Variants in TASP1 observed in about 807,000 individuals in gnomAD.
The protein encoded by TASP1 is threonine aspartase 1.
A neutral mutation model predicts 56.6 loss-of-function variants in TASP1; 16 were observed. The observed-to-expected ratio is 0.28, with a 90% CI of 0.19 to 0.43. The LOEUF (loss-of-function observed/expected upper bound fraction) is 0.43. Among genes scored for constraint, TASP1 ranks in the 20% least tolerant of loss-of-function variants. The pLI is 1.00. For missense variants in TASP1, 393 were observed against 511.6 expected (o/e 0.77, Z 2.24); for synonymous variants, 179 against 184.2 (o/e 0.97, Z 0.23).
intron 5 of TASP1, among the ~76,000 whole-genome samples, chr20:13,581,968 C>T (rs375382812): frequency 5.9e-5 from 9 of 152,114 alleles, no homozygotes; most frequent in African/African-American, 7.2e-5. Context: ...CACTAATATA[C>T]GCCTGCCTTT....
the TASP1 span, among the ~76,000 whole-genome samples, chr20:13,375,515 G>C: frequency 2.6e-5 from 4 of 152,158 alleles, no homozygotes; most frequent in African/African-American, 9.6e-5. Flanking sequence ...CCAAGTCTTT[G>C]CTGTTGTGAA....
At chr20:13,418,438 G>C (rs1002567582) in intron 12 of TASP1, among the ~76,000 whole-genome samples, 1 of 152,292 alleles carries the variant, frequency 6.6e-6, no homozygotes, top group African/African-American at 2.4e-5. Flanking sequence ...TAAATAATGA[G>C]AGTAATGAGT....
At chr20:13,423,563 T>C (rs2042519250) in intron 12 of TASP1, among the ~76,000 whole-genome samples, 1 of 152,222 alleles carries the variant, frequency 6.6e-6, no homozygotes, top group African/African-American at 2.4e-5. Flanking sequence ...TGTATAGATA[T>C]GGTTCTGCCA....
At chr20:13,485,159 C>T (rs566693718) in intron 10 of TASP1, among the ~76,000 whole-genome samples, 8 of 152,126 alleles carry the variant, frequency 5.3e-5, no homozygotes, top group African/African-American at 1.9e-4. Context: ...AGAACAGGAG[C>T]CATTAGGACC....
the TASP1 span, among the ~76,000 whole-genome samples, chr20:13,225,407 T>G: frequency 6.6e-6 from 1 of 152,206 alleles, no homozygotes; most frequent in Non-Finnish European, 1.5e-5. Context: ...TTGACAGTCT[T>G]ACTGTGTTAA....
chr20:13,381,261 T>C, the TASP1 span, among the ~76,000 whole-genome samples: 2 of 152,168 alleles, frequency 1.3e-5, no homozygotes, highest in Admixed American at 6.5e-5. Flanking sequence ...GGGAAAAGCA[T>C]AGTATCTGAG....
intron 13 of TASP1, among the ~76,000 whole-genome samples, chr20:13,396,176 C>A (rs1256946722): frequency 2.0e-5 from 3 of 152,250 alleles, no homozygotes; most frequent in Admixed American, 2.0e-4. Flanking sequence ...CACTGCCACC[C>A]ACCCCTATCC....
the TASP1 span, among the ~76,000 whole-genome samples, chr20:13,105,191 GGCCGAGC>G: frequency 1.3e-5 from 2 of 152,128 alleles, no homozygotes; most frequent in African/African-American, 4.8e-5. Context: ...CCAGAATCCA[GGCCGAGC>G]GCAGTCTTCC....
At chr20:13,561,024 A>T (rs1049483745) in intron 7 of TASP1, among the ~76,000 whole-genome samples, 3 of 152,324 alleles carry the variant, frequency 2.0e-5, no homozygotes, top group Non-Finnish European at 4.4e-5. Context: ...CTCATCAGAA[A>T]CTTTGGAAGC....
chr20:13,620,475 A>G (rs1364966189), intron 4 of TASP1, among the ~76,000 whole-genome samples: 1 of 152,204 alleles, frequency 6.6e-6, no homozygotes, highest in Non-Finnish European at 1.5e-5. Flanking sequence ...ATTTCAATCC[A>G]CAATTAGTAT....
chr20:13,137,562 C>T, the TASP1 span, among the ~76,000 whole-genome samples: 1 of 151,966 alleles, frequency 6.6e-6, no homozygotes, highest in Non-Finnish European at 1.5e-5. Flanking sequence ...TGTTCTGTTC[C>T]TTCATTGTGA....
chr20:13,597,388 C>G (rs1027555254), intron 4 of TASP1, among the ~76,000 whole-genome samples: 2 of 152,186 alleles, frequency 1.3e-5, no homozygotes, highest in Admixed American at 1.3e-4. Context: ...ATACACAAAT[C>G]AATAAACATA....
the TASP1 span, chr20:13,164,534 A>T: frequency 1.7e-6 from 1 of 579,020 alleles, no homozygotes; most frequent in Admixed American, 2.9e-5. Context: ...CATTCATAGT[A>T]TGGAGTTAGA....
rs771255579 is a variant in TASP1, at chr20:13,465,178, C to CAAAA, written c.985+18045_985+18048dup. 1.9e-4 allele frequency among the ~76,000 whole-genome samples: 11 copies of CAAAA among 57,236 alleles called. No homozygotes were observed. In the East Asian group the frequency reaches 6.1e-3, roughly 32 times the overall value. 37.5% of individuals were successfully genotyped at this position (57,236 alleles called of 152,430 possible). A position where few individuals can be genotyped will look rare whatever the true frequency, so the allele number is the denominator to read the frequency against. On this transcript the variant is annotated intron_variant, in intron 11 of 13. Coordinates refer to ENST00000337743, the MANE Select transcript of TASP1 (RefSeq NM_017714.3). ...AGAGCAAGACCCCCTTTCTCTCTCC[C>CAAAA]AAAAAAAAAAAAAAAAAAAAAGGAA...
intron 4 of TASP1, 75 bp downstream of exon 4, chr20:13,623,371 C>G (rs758717487): frequency 1.5e-4 from 196 of 1,299,618 alleles, no homozygotes; most frequent in South Asian, 9.0e-4. Context: ...TTGACTAACT[C>G]AACAATTTCA....
chr20:13,449,503 A>T (rs772221586), intron 11 of TASP1, among the ~76,000 whole-genome samples: 3 of 152,132 alleles, frequency 2.0e-5, no homozygotes, highest in Non-Finnish European at 2.9e-5. Context: ...AAATCAGTTT[A>T]ATGTAGCTTT....
chr20:13,365,739 G>C, the TASP1 span, among the ~76,000 whole-genome samples: 1 of 152,220 alleles, frequency 6.6e-6, no homozygotes, highest in Non-Finnish European at 1.5e-5. Flanking sequence ...GGTATGGTAA[G>C]AAGTTTTGGG....
chr20:13,405,167 G>A (rs191614752), intron 13 of TASP1, among the ~76,000 whole-genome samples: 2 of 152,292 alleles, frequency 1.3e-5, no homozygotes, highest in Non-Finnish European at 2.9e-5. Flanking sequence ...AAAGAAAAGT[G>A]AGATTATGAG....
chr20:13,295,264 C>A, the TASP1 span, among the ~76,000 whole-genome samples: 1 of 152,198 alleles, frequency 6.6e-6, no homozygotes, highest in Non-Finnish European at 1.5e-5. Context: ...CCATCATTAT[C>A]GGCTCTGAAT....
Sources: allele counts gnomAD v4.1 joint callset (sites outside exome capture counted in the v4.1 genomes callset), GRCh38; gene constraint gnomAD v4.1.1; transcripts MANE v1.5; gene names NCBI Gene and HGNC (gene_info 2026-07-23, HGNC 2026-07-21).